MACROD2: variants seen among roughly 807,000 people sequenced by gnomAD.
MACROD2 encodes mono-ADP ribosylhydrolase 2.
MACROD2 carries 36 observed loss-of-function variants against 70.4 expected under a neutral mutation model. That is an observed-to-expected ratio of 0.51 (90% CI 0.39 to 0.68). MACROD2 has a LOEUF of 0.68. Ranked by LOEUF, MACROD2 falls within the 30% of genes least tolerant of loss-of-function variation. MACROD2 has a pLI of 0.00. For synonymous variants in MACROD2, 172 were observed against 178.8 expected, an observed-to-expected ratio of 0.96 and a Z score of 0.30; for missense variants, 496 against 538.4, an observed-to-expected ratio of 0.92 and a Z score of 0.78.
At chr20:14,101,182 C>T (rs1007499087) in intron 3 of MACROD2, among the ~76,000 whole-genome samples, 2 of 151,910 alleles carry the variant, frequency 1.3e-5, no homozygotes, top group East Asian at 1.9e-4. Flanking sequence ...CCTTTTTATT[C>T]CATTGGCTAC....
intron 4 of MACROD2, among the ~76,000 whole-genome samples, chr20:14,610,345 TTTAC>T (rs1225560858): frequency 1.3e-5 from 2 of 152,278 alleles, no homozygotes; most frequent in African/African-American, 2.4e-5. Context: ...CATGGGGATT[TTTAC>T]TTCATTTTCA....
At chr20:14,440,978 C>T (rs1386720942) in intron 3 of MACROD2, among the ~76,000 whole-genome samples, 1 of 152,160 alleles carries the variant, frequency 6.6e-6, no homozygotes, top group Non-Finnish European at 1.5e-5. Flanking sequence ...TTGCTAGATA[C>T]CTTTGGACAG....
chr20:15,148,631 G>C (rs146984143), intron 5 of MACROD2, among the ~76,000 whole-genome samples: 1 of 151,906 alleles, frequency 6.6e-6, no homozygotes, highest in African/African-American at 2.4e-5. Context: ...TTTTTGGGGC[G>C]CAGTCCAAGT....
intron 2 of MACROD2, among the ~76,000 whole-genome samples, chr20:14,077,315 TTAA>T (rs2053927245): frequency 6.6e-6 from 1 of 152,192 alleles, no homozygotes; most frequent in African/African-American, 2.4e-5. Context: ...ATTGGGCCTG[TTAA>T]TAAAATGTTC....
chr20:14,733,915 C>T (rs2071627225), intron 5 of MACROD2, among the ~76,000 whole-genome samples: 1 of 152,202 alleles, frequency 6.6e-6, no homozygotes. Flanking sequence ...TGCTTAACCT[C>T]TTAATGCCTT....
chr20:14,739,288 A>G (rs994265396), intron 5 of MACROD2, among the ~76,000 whole-genome samples: 1 of 152,042 alleles, frequency 6.6e-6, no homozygotes, highest in Non-Finnish European at 1.5e-5. Context: ...TCTAGAAATA[A>G]CTGTATATTA....
At chr20:14,811,027 A>C (rs2072704135) in intron 5 of MACROD2, among the ~76,000 whole-genome samples, 1 of 152,150 alleles carries the variant, frequency 6.6e-6, no homozygotes. Context: ...AGTAATTTAT[A>C]GATTCAATGC....
chr20:14,663,461 A>T (rs1398292608), intron 4 of MACROD2, among the ~76,000 whole-genome samples: 1 of 151,798 alleles, frequency 6.6e-6, no homozygotes, highest in Non-Finnish European at 1.5e-5. Context: ...AAACCTGCAC[A>T]TGTACCCCTG....
chr20:15,623,966 C>T (rs548733435), intron 8 of MACROD2, among the ~76,000 whole-genome samples: 3 of 152,234 alleles, frequency 2.0e-5, no homozygotes, highest in African/African-American at 4.8e-5. Flanking sequence ...TTGACTCACT[C>T]GATCACAAAG....
At chr20:14,906,093 G>A (rs1294703457) in intron 5 of MACROD2, 1 of 152,158 alleles carries the variant, frequency 6.6e-6, no homozygotes, top group Non-Finnish European at 1.5e-5. Context: ...GGGGAAAAGT[G>A]ATGCCTTTAT....
chr20:14,502,133 G>T (rs1308787686), intron 4 of MACROD2, among the ~76,000 whole-genome samples: 1 of 152,206 alleles, frequency 6.6e-6, no homozygotes, highest in African/African-American at 2.4e-5. Flanking sequence ...TGCAGGTCAA[G>T]CCTGTTATGT....
intron 5 of MACROD2, chr20:14,904,864 G>A (rs183917601): frequency 7.9e-4 from 121 of 152,250 alleles, no homozygotes; most frequent in African/African-American, 2.8e-3. Flanking sequence ...GAAGCTTGAC[G>A]TGGCCTCCAG....
intron 4 of MACROD2, among the ~76,000 whole-genome samples, chr20:14,608,262 A>T (rs1438540494): frequency 1.3e-5 from 2 of 152,148 alleles, no homozygotes; most frequent in Non-Finnish European, 2.9e-5. Context: ...GTCTCAAAAA[A>T]TAAATAAATA....
intron 8 of MACROD2, among the ~76,000 whole-genome samples, chr20:15,718,871 T>G (rs1461803264): frequency 6.6e-6 from 1 of 152,232 alleles, no homozygotes; most frequent in Non-Finnish European, 1.5e-5. Context: ...TTATCATCTG[T>G]CAGCTCAGTG....
At chr20:15,998,562 C>A (rs1374108154) in intron 15 of MACROD2, among the ~76,000 whole-genome samples, 1 of 109,404 alleles carries the variant, frequency 9.1e-6, no homozygotes, top group Non-Finnish European at 1.9e-5. Flanking sequence ...TTTGAGTTCT[C>A]TCTTTTTTTT....
chr20:14,358,403 G>C (rs2083192366), intron 3 of MACROD2, among the ~76,000 whole-genome samples: 1 of 152,096 alleles, frequency 6.6e-6, no homozygotes, highest in African/African-American at 2.4e-5. Flanking sequence ...ATTAACTCAT[G>C]AAATTCTCTT....
chr20:15,456,895 C>T (rs1459895725), intron 7 of MACROD2, among the ~76,000 whole-genome samples: 2 of 152,012 alleles, frequency 1.3e-5, no homozygotes, highest in Non-Finnish European at 2.9e-5. Context: ...TGAAGTTTGG[C>T]TGTCCCTTCA....
At chr20:14,312,958 T>C (rs2082580058) in intron 3 of MACROD2, among the ~76,000 whole-genome samples, 1 of 152,230 alleles carries the variant, frequency 6.6e-6, no homozygotes. Context: ...TTTATATAAA[T>C]AGTATTAGCA....
chr20:14,124,041 T>C (rs1466856479), intron 3 of MACROD2, among the ~76,000 whole-genome samples: 2 of 152,202 alleles, frequency 1.3e-5, no homozygotes, highest in Non-Finnish European at 2.9e-5. Context: ...TTTTCCATTT[T>C]TTTTCTCTTG....
Sources: gnomAD v4.1 joint callset for allele counts (sites outside exome capture counted in the v4.1 genomes callset) on GRCh38, gnomAD v4.1.1 for gene constraint, MANE v1.5 for transcripts, NCBI Gene and HGNC (gene_info 2026-07-23, HGNC 2026-07-21) for gene names.